The following NKAIN2 variants were observed in gnomAD, a reference collection of about 807,000 sequenced individuals.
NKAIN2 encodes sodium/potassium transporting ATPase interacting 2, also known as sodium/potassium-transporting ATPase subunit beta-1-interacting protein 2.
In NKAIN2, 14 loss-of-function variants were observed where a neutral mutation model predicts 32.6. The observed-to-expected ratio is 0.43, with a 90% CI of 0.28 to 0.67. NKAIN2 has a LOEUF of 0.67. Among genes scored for constraint, NKAIN2 ranks in the 30% least tolerant of loss-of-function variants. The pLI is 0.17. For missense variants in NKAIN2, 198 were observed against 258.3 expected (o/e 0.77, Z 1.60); for synonymous variants, 80 against 87.2 (o/e 0.92, Z 0.46).
intron 3 of NKAIN2, among the ~76,000 whole-genome samples, chr6:124,559,561 G>A (rs537159404): frequency 3.9e-5 from 6 of 152,320 alleles, no homozygotes; most frequent in Admixed American, 6.5e-5. Flanking sequence ...ACAAGGAGAT[G>A]AATTGTACTT....
At chr6:124,393,248 C>T (rs377056489) in intron 3 of NKAIN2, among the ~76,000 whole-genome samples, 16 of 152,120 alleles carry the variant, frequency 1.1e-4, no homozygotes, top group African/African-American at 3.9e-4. Context: ...TAAAATACTA[C>T]AGAGATATTC....
At chr6:124,618,516 C>T (rs1318407842) in intron 3 of NKAIN2, among the ~76,000 whole-genome samples, 1 of 152,098 alleles carries the variant, frequency 6.6e-6, no homozygotes, top group Non-Finnish European at 1.5e-5. Flanking sequence ...TTCTGTTTTG[C>T]ATTTTTCTAC....
Position 124,824,255 on chromosome 6 carries a change from G to A in NKAIN2, c.*1026G>A, listed in dbSNP as rs1781505403. On this transcript the variant is annotated 3_prime_UTR_variant, in exon 7 of 7. Transcript: ENST00000368417. Reference sequence around the variant, plus strand: ...GGATTTCTATCAACAGAGGCCAACTGAATATGTATTAGCTATGTTTACTCT... The same window carrying A: ...GGATTTCTATCAACAGAGGCCAACTAAATATGTATTAGCTATGTTTACTCT... 6.6e-6 allele frequency: 1 copy of A among 152,456 alleles called. No homozygotes were observed. The highest frequency in any genetic ancestry group is 2.4e-5 in the African/African-American group (1 of 41,398). The allele number at this position is 152,456 out of a possible 1,614,324, so 9.4% of individuals were successfully genotyped here.
intron 1 of NKAIN2, among the ~76,000 whole-genome samples, chr6:123,861,829 A>T (rs1356793780): frequency 1.3e-5 from 2 of 152,230 alleles, no homozygotes; most frequent in South Asian, 2.1e-4. Context: ...CCTCTGGTTT[A>T]ATTTTCCTTT....
intron 1 of NKAIN2, among the ~76,000 whole-genome samples, chr6:124,238,850 C>A (rs1467893890): frequency 2.0e-5 from 3 of 152,192 alleles, no homozygotes; most frequent in African/African-American, 7.2e-5. Context: ...ACCGTTGACA[C>A]TATGAAGAAA....
chr6:123,982,729 T>G (rs1458295410), intron 1 of NKAIN2, among the ~76,000 whole-genome samples: 3 of 152,136 alleles, frequency 2.0e-5, no homozygotes, highest in African/African-American at 7.2e-5. Context: ...AAATATAAAT[T>G]TGATAGCAAG....
rs143087946 is a variant in NKAIN2, at chr6:124,438,704, T to A, written c.273+83357T>A. Among the ~76,000 whole-genome samples the A allele has an allele frequency of 2.1e-3, 321 of 152,224 alleles. 1 individual carries two copies. The highest frequency in any genetic ancestry group is 6.1e-3 in the African/African-American group (252 of 41,558). On this transcript the variant is annotated intron_variant, in intron 3 of 6. Transcript: ENST00000368417. ...TCCAGCAAACAGCTCTTGATGATAT[T>A]ACCAATGGCCTCCCTGTCACTAACT...
rs575151088 is a variant in NKAIN2 at position 124,713,358 on chromosome 6, T to C, written c.474+54972T>C. On this transcript the variant is annotated intron_variant, in intron 4 of 6. Transcript: ENST00000368417. ...CCTAAGAAAGCCTGTAAGAATGGCCTGAATTATAGTACAGAGTAGGGTGGT... is the reference window on the plus strand; with the variant it reads ...CCTAAGAAAGCCTGTAAGAATGGCCCGAATTATAGTACAGAGTAGGGTGGT... Among the ~76,000 whole-genome samples, 258 of 152,322 alleles carry C rather than the reference T, an allele frequency of 1.7e-3. 3 individuals carry two copies. The highest frequency in any genetic ancestry group is 6.0e-3 in the African/African-American group (249 of 41,576).
At chr6:123,811,628 T>A (rs887644549) in intron 1 of NKAIN2, among the ~76,000 whole-genome samples, 69 of 149,990 alleles carry the variant, frequency 4.6e-4, no homozygotes, top group African/African-American at 1.7e-3. Flanking sequence ...TCCTGACCTA[T>A]TTACCCTATA....
rs1562324921 is a variant in NKAIN2, at chr6:124,687,577, TATTTATA to T, written c.474+29194_474+29200del. On this transcript the variant is annotated intron_variant, in intron 4 of 6. Transcript: ENST00000368417. ...ATACATACATGGTATATATAATATA[TATTTATA>T]ATATAAATATATATTATGTATATAT... Among the ~76,000 whole-genome samples, 203 of 31,768 alleles carry T rather than the reference TATTTATA, an allele frequency of 6.4e-3. 1 individual carries two copies. The highest frequency in any genetic ancestry group is 7.7e-3 in the Non-Finnish European group (145 of 18,796). 20.8% of individuals were successfully genotyped at this position (31,768 alleles called of 152,430 possible).
intron 3 of NKAIN2, among the ~76,000 whole-genome samples, chr6:124,558,903 C>T (rs187523153): frequency 2.0e-5 from 3 of 152,246 alleles, no homozygotes; most frequent in Non-Finnish European, 4.4e-5. Flanking sequence ...GAGCCAAGAT[C>T]ATACCATTGC....
At chr6:124,294,621 T>A (rs1795968850) in intron 2 of NKAIN2, among the ~76,000 whole-genome samples, 1 of 152,124 alleles carries the variant, frequency 6.6e-6, no homozygotes, top group East Asian at 1.9e-4. Context: ...TCCTTGCAAG[T>A]ATATAAGCAA....
intron 1 of NKAIN2, among the ~76,000 whole-genome samples, chr6:124,114,663 A>C (rs1785529597): frequency 1.3e-5 from 2 of 152,088 alleles, no homozygotes. Flanking sequence ...AACCAGAAAA[A>C]GATTTTGAGA....
intron 3 of NKAIN2, among the ~76,000 whole-genome samples, chr6:124,364,250 A>AAAAAAAAAAAAAAAAAAAAGAGAG (rs3054409): frequency 7.2e-6 from 1 of 139,738 alleles, no homozygotes; most frequent in East Asian, 2.1e-4. Context: ...AAAAAAAAAA[A>AAAAAAAAAAAAAAAAAAAAGAGAG]AGAGAGAAAA....
intron 3 of NKAIN2, among the ~76,000 whole-genome samples, chr6:124,479,272 A>G (rs931930240): frequency 1.3e-5 from 2 of 152,158 alleles, no homozygotes; most frequent in Admixed American, 6.5e-5. Context: ...ATTAATAATC[A>G]TGTATCGATA....
intron 1 of NKAIN2, among the ~76,000 whole-genome samples, chr6:123,999,637 C>T (rs73557088): frequency 0.032 from 4,875 of 152,168 alleles, 181 homozygotes; most frequent in African/African-American, 0.09. Flanking sequence ...AAAAAGCCAC[C>T]TTAAAGTTGT....
At chr6:124,356,420 T>A (rs1470667997) in intron 3 of NKAIN2, among the ~76,000 whole-genome samples, 1 of 152,222 alleles carries the variant, frequency 6.6e-6, no homozygotes. Context: ...TTGATTTGTT[T>A]TTATTCAATG....
intron 4 of NKAIN2, among the ~76,000 whole-genome samples, chr6:124,705,892 C>G (rs1473592478): frequency 6.6e-6 from 1 of 152,026 alleles, no homozygotes; most frequent in Non-Finnish European, 1.5e-5. Flanking sequence ...AGCTCTGAAG[C>G]AGCAGAGGAA....
chr6:124,555,818 G>C (rs984500442), intron 3 of NKAIN2, among the ~76,000 whole-genome samples: 6 of 152,124 alleles, frequency 3.9e-5, no homozygotes, highest in Non-Finnish European at 7.4e-5. Context: ...GCTCTTACTA[G>C]GGTAACAAAA....
Sources: allele counts gnomAD v4.1 joint callset (sites outside exome capture counted in the v4.1 genomes callset), GRCh38; gene constraint gnomAD v4.1.1; transcripts MANE v1.5; gene names NCBI Gene and HGNC (gene_info 2026-07-23, HGNC 2026-07-21).